NAA30: variants seen among roughly 807,000 people sequenced by gnomAD.
The protein encoded by NAA30 is N-alpha-acetyltransferase 30, NatC catalytic subunit, also known as N-alpha-acetyltransferase 30.
Under a neutral mutation model 31.4 loss-of-function variants are expected in NAA30, and 5 were observed. That is an observed-to-expected ratio of 0.16 (90% CI 0.08 to 0.33). The LOEUF is 0.33. NAA30 is among the 10% of genes least tolerant of loss of function. NAA30 has a pLI of 1.00. For synonymous variants in NAA30, 222 were observed against 207.1 expected (o/e 1.07, Z -0.62); for missense variants, 428 against 490.8 (o/e 0.87, Z 1.21).
chr14:57,409,333 T>G lies in NAA30; in HGVS notation c.952-46T>G, dbSNP rs367603636. 4.0e-5 allele frequency: 58 copies of G among 1,449,642 alleles called. No individual in the cohort carries two copies. The African/African-American group carries it at 6.9e-4, about 17-fold the overall frequency. The allele number at this position is 1,449,642 out of a possible 1,614,324, so 89.8% of individuals were successfully genotyped here. ...AATTGTTTAGTTGGTAAATTATTTT[T>G]TAAATTGTGTAATTATAACTTAGTT... On this transcript the variant is annotated intron_variant, in intron 4 of 4. Transcript: ENST00000556492.
In NAA30 at chr14:57,390,961, G is replaced by T; in HGVS notation, c.4G>T (p.Ala2Ser). 6.8e-7 allele frequency: 1 copy of T among 1,477,996 alleles called. No individual in the cohort carries two copies. The highest frequency in any genetic ancestry group is 8.9e-7 in the Non-Finnish European group (1 of 1,120,288). 91.6% of individuals were successfully genotyped at this position (1,477,996 alleles called of 1,614,324 possible). Residue 2 changes from alanine (A) to serine (S), a missense_variant, in exon 2 of 5, where the codon GCG becomes TCG. This residue lies in a region of NAA30 where 349 missense variants were observed against 310.4 expected (regional missense o/e 1.12). Transcript: ENST00000556492. ...CTCGGTCTGTGTCGCTTCTAGGATG[G>T]CGGAGGTACCGCCTGGGCCTAGCAG... is the stretch of plus-strand genomic sequence containing the variant. Reference protein sequence around the residue: MAEVPPGPSSLL... With the variant: MSEVPPGPSSLL...
chr14:57,390,607 G>C lies in NAA30; in HGVS notation c.-100G>C. The C allele has an allele frequency of 3.2e-6, 1 of 310,082 alleles. No homozygotes were observed. The highest frequency in any genetic ancestry group is 5.3e-5 in the East Asian group (1 of 18,852). 19.2% of individuals were successfully genotyped at this position (310,082 alleles called of 1,614,324 possible). A position where few individuals can be genotyped will look rare whatever the true frequency, so the allele number is the denominator to read the frequency against. On this transcript the variant is annotated 5_prime_UTR_variant, in exon 1 of 5. Transcript: ENST00000556492. ...CTTTACGGCGACGGCGGCTGAGTGAGAACCTTGGCGGCTGTGGAGGCTGCC... is the reference window on the plus strand; with the variant it reads ...CTTTACGGCGACGGCGGCTGAGTGACAACCTTGGCGGCTGTGGAGGCTGCC...
At chr14:57,398,845 C>G (rs1324803770) in intron 3 of NAA30, among the ~76,000 whole-genome samples, 2 of 152,072 alleles carry the variant, frequency 1.3e-5, no homozygotes, top group Admixed American at 1.3e-4. Flanking sequence ...TCATGTTGGC[C>G]AGGCTGGTCT....
intron 2 of NAA30, among the ~76,000 whole-genome samples, chr14:57,392,321 A>G (rs1008054996): frequency 1.3e-5 from 2 of 151,944 alleles, no homozygotes; most frequent in South Asian, 2.1e-4. Context: ...CGCTACTAAC[A>G]CTTCTGGTGG....
intron 2 of NAA30, among the ~76,000 whole-genome samples, chr14:57,392,635 T>A (rs1426477691): frequency 6.6e-6 from 1 of 152,236 alleles, no homozygotes; most frequent in Non-Finnish European, 1.5e-5. Flanking sequence ...TGCAGGTGTA[T>A]GCTTTGTATC....
chr14:57,394,127 A>G (rs2066441272), intron 2 of NAA30, among the ~76,000 whole-genome samples: 1 of 151,004 alleles, frequency 6.6e-6, no homozygotes, highest in Admixed American at 6.6e-5. Context: ...AAAAAAAAAA[A>G]AGGACAAATG....
At position 57,414,585 on chromosome 14, in the gene NAA30, A is replaced by C. The variant is rs1056109837; in HGVS notation, c.*5069A>C. On this transcript the variant is annotated 3_prime_UTR_variant, in exon 5 of 5. Coordinates refer to ENST00000556492, the MANE Select transcript of NAA30 (RefSeq NM_001011713.3). Reference sequence around the variant, plus strand: ...ATCTCATGAGTGGTCAAGTTGGAACATGGAGGTCTATCATGTTTTTAACCT... The same window carrying C: ...ATCTCATGAGTGGTCAAGTTGGAACCTGGAGGTCTATCATGTTTTTAACCT... The C allele has an allele frequency of 3.9e-5, 6 of 152,220 alleles. No individual in the cohort carries two copies. The highest frequency in any genetic ancestry group is 7.3e-5 in the Non-Finnish European group (5 of 68,040). 9.4% of individuals were successfully genotyped at this position (152,220 alleles called of 1,614,324 possible).
rs754182930 is a variant in NAA30 at position 57,410,481 on chromosome 14, G to A, written c.*965G>A. The A allele has an allele frequency of 5.2e-5, 8 of 152,548 alleles. No individual in the cohort carries two copies. Among genetic ancestry groups the A allele is most frequent in the Admixed American group, 2.0e-4 (3 of 15,266 alleles). 9.4% of individuals were successfully genotyped at this position (152,548 alleles called of 1,614,324 possible). On this transcript the variant is annotated 3_prime_UTR_variant, in exon 5 of 5. Transcript: ENST00000556492. ...TTAATCAAAATTACTGCTACGCTGC[G>A]AAGAACAGCTTTTACAAAGTAGCTG...
In NAA30 at chr14:57,391,015, C is replaced by G. The variant is rs765185952; in HGVS notation, c.58C>G (p.Pro20Ala). The G allele has an allele frequency of 6.7e-7, 1 of 1,497,948 alleles. No homozygotes were observed. The highest frequency in any genetic ancestry group is 1.4e-5 in the South Asian group (1 of 72,492). 92.8% of individuals were successfully genotyped at this position (1,497,948 alleles called of 1,614,324 possible). ...CCTCCCACCACCAGCACCTCCGGCCCCGGCGGCGGTCGAGCCCCGCTGTCC... is the reference window on the plus strand; with the variant it reads ...CCTCCCACCACCAGCACCTCCGGCCGCGGCGGCGGTCGAGCCCCGCTGTCC... ...SLLPPPAPPA[P>A]AAVEPRCPFP... Residue 20 changes from proline to alanine, a missense_variant, in exon 2 of 5, where the codon CCG becomes GCG. This residue lies in a region of NAA30 where 349 missense variants were observed against 310.4 expected (regional missense o/e 1.12). Transcript: ENST00000556492. This position sits in a 1 kb window ranked among gnomAD's most constrained non-coding sequence, Gnocchi z 4.1.
chr14:57,391,864 A>C lies in NAA30; in HGVS notation c.771+136A>C. On this transcript the variant is annotated intron_variant, in intron 2 of 4. Coordinates refer to ENST00000556492, the MANE Select transcript of NAA30 (RefSeq NM_001011713.3). This position sits in a 1 kb window ranked among gnomAD's most constrained non-coding sequence, Gnocchi z 4.1. Reference sequence around the variant, plus strand: ...TACGTTATATGATGTCAAGTGCTGTACACATTCCTAGTTATTTAATGAAAT... The same window carrying C: ...TACGTTATATGATGTCAAGTGCTGTCCACATTCCTAGTTATTTAATGAAAT... 1 of 708,066 alleles carries C rather than the reference A, an allele frequency of 1.4e-6. No homozygotes were observed. Among genetic ancestry groups the C allele is most frequent in the Non-Finnish European group, 2.4e-6 (1 of 421,586 alleles). 43.9% of individuals were successfully genotyped at this position (708,066 alleles called of 1,614,324 possible). A position where few individuals can be genotyped will look rare whatever the true frequency, so the allele number is the denominator to read the frequency against.
intron 4 of NAA30, among the ~76,000 whole-genome samples, chr14:57,408,748 G>A (rs911752492): frequency 6.6e-6 from 1 of 152,134 alleles, no homozygotes; most frequent in Non-Finnish European, 1.5e-5. Flanking sequence ...TAGGCTTTGT[G>A]GACCATAGGT....
chr14:57,404,106 G>T (rs2066489047), intron 4 of NAA30, among the ~76,000 whole-genome samples: 1 of 152,168 alleles, frequency 6.6e-6, no homozygotes, highest in Non-Finnish European at 1.5e-5. Context: ...TGGATCACGA[G>T]GTCAGGAGTT....
intron 4 of NAA30, among the ~76,000 whole-genome samples, chr14:57,404,193 G>A (rs568641868): frequency 8.5e-4 from 130 of 152,146 alleles, no homozygotes; most frequent in Non-Finnish European, 1.7e-3. Context: ...GTGGTGGTGC[G>A]TGCCTGTAAT....
chr14:57,414,070 CA>C lies in NAA30; in HGVS notation c.*4555del, dbSNP rs2066536314. 6.6e-6 allele frequency: 1 copy of C among 152,042 alleles called. No homozygotes were observed. The highest frequency in any genetic ancestry group is 1.5e-5 in the Non-Finnish European group (1 of 68,028). The allele number at this position is 152,042 out of a possible 1,614,324, so 9.4% of individuals were successfully genotyped here. A position where few individuals can be genotyped will look rare whatever the true frequency, so the allele number is the denominator to read the frequency against. On this transcript the variant is annotated 3_prime_UTR_variant, in exon 5 of 5. Transcript: ENST00000556492. ...ATTGGACAGCAGAGCTTTAGATAAG[CA>C]GTAATAACAGGAAGGGAGTGTTTGT...
chr14:57,400,009 G>A, intron 4 of NAA30, 126 bp downstream of exon 4: 1 of 471,532 alleles, frequency 2.1e-6, no homozygotes. Context: ...AGCTTGTGGG[G>A]AAAATTATAT....
Position 57,415,239 on chromosome 14 carries a change from A to G in NAA30, c.*5723A>G, listed in dbSNP as rs1348058741. 6.6e-6 allele frequency: 1 copy of G among 152,216 alleles called. No individual in the cohort carries two copies. The highest frequency in any genetic ancestry group is 1.5e-5 in the Non-Finnish European group (1 of 68,036). 9.4% of individuals were successfully genotyped at this position (152,216 alleles called of 1,614,324 possible). On this transcript the variant is annotated 3_prime_UTR_variant, in exon 5 of 5. Transcript: ENST00000556492. ...TTTGAAATTTCTTAAAAACGTTTATAAGACTTTTCTGGTCTCCTTGACCGA... is the reference window on the plus strand; with the variant it reads ...TTTGAAATTTCTTAAAAACGTTTATGAGACTTTTCTGGTCTCCTTGACCGA...
In NAA30 at chr14:57,411,943, A is replaced by C. The variant is rs1012779258; in HGVS notation, c.*2427A>C. 2 of 152,190 alleles carry C rather than the reference A, an allele frequency of 1.3e-5. No individual in the cohort carries two copies. The highest frequency in any genetic ancestry group is 4.8e-5 in the African/African-American group (2 of 41,460). The allele number at this position is 152,190 out of a possible 1,614,324, so 9.4% of individuals were successfully genotyped here. A position where few individuals can be genotyped will look rare whatever the true frequency, so the allele number is the denominator to read the frequency against. On this transcript the variant is annotated 3_prime_UTR_variant, in exon 5 of 5. Transcript: ENST00000556492. ...TGGGTTCACTTGGCTACAACTGAGC[A>C]AAATAGATGCAACTTTCTTTTAATG...
intron 3 of NAA30, among the ~76,000 whole-genome samples, chr14:57,397,268 C>G (rs979424354): frequency 6.6e-6 from 1 of 152,134 alleles, no homozygotes; most frequent in Non-Finnish European, 1.5e-5. Flanking sequence ...CTCAATCAAG[C>G]CAAAATTATG....
intron 3 of NAA30, among the ~76,000 whole-genome samples, chr14:57,399,004 G>A (rs1477869868): frequency 2.0e-5 from 3 of 151,758 alleles, no homozygotes; most frequent in African/African-American, 7.3e-5. Context: ...TGGGATTACA[G>A]GCGTGAGCCA....
Sources: allele counts gnomAD v4.1 joint callset (sites outside exome capture counted in the v4.1 genomes callset), GRCh38; gene constraint gnomAD v4.1.1; regional missense constraint gnomAD v4.1.1; non-coding constraint Gnocchi (gnomAD v3.1); transcripts MANE v1.5; gene names NCBI Gene and HGNC (gene_info 2026-07-23, HGNC 2026-07-21).